Variants in STAM observed in about 807,000 individuals in gnomAD.
The protein encoded by STAM is signal transducing adaptor molecule.
A neutral mutation model predicts 63.4 loss-of-function variants in STAM; 16 were observed. The ratio of observed to expected loss-of-function variants is 0.25; its 90% confidence interval spans 0.17 to 0.38. STAM has a LOEUF of 0.38. Among genes scored for constraint, STAM ranks in the 10% least tolerant of loss-of-function variants. STAM has a pLI of 1.00. For synonymous variants in STAM, 238 were observed against 223.9 expected (o/e 1.06, Z -0.56); for missense variants, 636 against 657.1 (o/e 0.97, Z 0.35).
chr10:17,689,105 C>G (rs1253510491), intron 5 of STAM, among the ~76,000 whole-genome samples: 1 of 152,146 alleles, frequency 6.6e-6, no homozygotes, highest in African/African-American at 2.4e-5. Context: ...AAAATTCAGT[C>G]TCTAATTTAT....
intron 2 of STAM, among the ~76,000 whole-genome samples, chr10:17,678,300 G>C (rs1834936978): frequency 6.6e-6 from 1 of 151,126 alleles, no homozygotes; most frequent in South Asian, 2.1e-4. Context: ...TGTTGCCCAG[G>C]CTAGAATGCA....
At chr10:17,702,868 C>T (rs782042236) in intron 9 of STAM, among the ~76,000 whole-genome samples, 9 of 151,840 alleles carry the variant, frequency 5.9e-5, no homozygotes, top group Non-Finnish European at 1.0e-4. Context: ...ATTCGCTGGA[C>T]GTGGTGGTGT....
chr10:17,669,400 C>G (rs1834534360), intron 2 of STAM, among the ~76,000 whole-genome samples: 1 of 149,442 alleles, frequency 6.7e-6, no homozygotes, highest in Non-Finnish European at 1.5e-5. Flanking sequence ...ATTCTTTCCC[C>G]TTCCTACTCT....
chr10:17,682,651 G>A (rs1454179262), intron 2 of STAM, among the ~76,000 whole-genome samples: 1 of 152,078 alleles, frequency 6.6e-6, no homozygotes, highest in Non-Finnish European at 1.5e-5. Flanking sequence ...ATCAGTGTTT[G>A]TTTTATAGGA....
chr10:17,648,750 C>G (rs1184793758), intron 1 of STAM, among the ~76,000 whole-genome samples: 1 of 152,220 alleles, frequency 6.6e-6, no homozygotes, highest in Non-Finnish European at 1.5e-5. Flanking sequence ...AATCAGTTCT[C>G]ATTTACAAAG....
chr10:17,704,609 A>C (rs1162099712), intron 10 of STAM, 91 bp downstream of exon 10: 2 of 1,123,084 alleles, frequency 1.8e-6, no homozygotes, highest in African/African-American at 3.1e-5. Flanking sequence ...GGATAATATT[A>C]AAAATGGAAC....
intron 1 of STAM, among the ~76,000 whole-genome samples, chr10:17,651,511 C>G (rs555824892): frequency 6.6e-6 from 1 of 152,320 alleles, no homozygotes; most frequent in South Asian, 2.1e-4. Context: ...CTGATATCCA[C>G]TGGATTAAGA....
At chr10:17,712,830 G>C (rs372592177) in intron 13 of STAM, among the ~76,000 whole-genome samples, 6 of 152,168 alleles carry the variant, frequency 3.9e-5, no homozygotes, top group Non-Finnish European at 1.5e-5. Flanking sequence ...CAGTGCACAA[G>C]TGCAGGGACT....
chr10:17,650,018 A>G (rs1554821344), intron 1 of STAM, among the ~76,000 whole-genome samples: 1 of 152,216 alleles, frequency 6.6e-6, no homozygotes, highest in Admixed American at 6.5e-5. Flanking sequence ...CTTTGTTTCT[A>G]TAATAGAATA....
chr10:17,658,810 A>T (rs548009957), intron 1 of STAM, among the ~76,000 whole-genome samples: 57 of 151,982 alleles, frequency 3.8e-4, no homozygotes, highest in Non-Finnish European at 5.4e-4. Flanking sequence ...TTTAATCTCT[A>T]TGTGTTTTTA....
At chr10:17,672,800 T>G (rs1242259084) in intron 2 of STAM, among the ~76,000 whole-genome samples, 2 of 152,164 alleles carry the variant, frequency 1.3e-5, no homozygotes, top group Non-Finnish European at 2.9e-5. Flanking sequence ...AAACTGACCT[T>G]AAGAATGTTG....
chr10:17,714,294 G>A (rs139189758), intron 13 of STAM, among the ~76,000 whole-genome samples: 5 of 151,376 alleles, frequency 3.3e-5, no homozygotes, highest in East Asian at 1.9e-4. Context: ...TGGTGGTATA[G>A]ACTTATTTCC....
chr10:17,648,726 A>T (rs548376072), intron 1 of STAM, among the ~76,000 whole-genome samples: 5 of 152,024 alleles, frequency 3.3e-5, no homozygotes, highest in African/African-American at 1.2e-4. Context: ...CTTTGTTACC[A>T]CTCTTGCCTC....
rs371252102 is a variant in STAM, at chr10:17,666,551, T to C, written c.125+6003T>C. Among the ~76,000 whole-genome samples, 91 of 152,122 alleles carry C rather than the reference T, an allele frequency of 6.0e-4. No homozygotes were observed. The East Asian group carries it at 6.2e-3, about 10-fold the overall frequency. ...CTGGGACTACAGGCACCCGCCACCA[T>C]GCCCAGCTAATTTTTTTTTGTATTT... On this transcript the variant is annotated intron_variant, in intron 2 of 13. Coordinates refer to ENST00000377524, the MANE Select transcript of STAM (RefSeq NM_003473.4).
At chr10:17,700,875 ACTT>A (rs2131672969) in intron 9 of STAM, among the ~76,000 whole-genome samples, 1 of 152,338 alleles carries the variant, frequency 6.6e-6, no homozygotes, top group East Asian at 1.9e-4. Context: ...TCATTAAATT[ACTT>A]CTACATAAAT....
At chr10:17,694,830 T>A (rs540022420) in intron 6 of STAM, 1 of 418,488 alleles carries the variant, frequency 2.4e-6, no homozygotes, top group East Asian at 3.6e-5. Flanking sequence ...AATAGGAGTT[T>A]TCATGCTGTT....
chr10:17,660,539 C>T lies in STAM; in HGVS notation c.116C>T (p.Ser39Phe), dbSNP rs146245558. 9 of 1,598,742 alleles carry T rather than the reference C, an allele frequency of 5.6e-6. No homozygotes were observed. In the South Asian group the frequency reaches 9.0e-5, roughly 16 times the overall value. ...ILDICDKVGQ[S>F]RTGPKDCLRS... ...GATATCTGTGATAAAGTTGGTCAGT[C>T]TCGCACTGGGTAAGTATTTAGCGTT... The change falls in exon 2 of 14, where the codon TCT becomes TTT. Residue 39 changes from serine (S) to phenylalanine (F), a missense_variant. By Grantham distance (155) the Ser-to-Phe change is radical (BLOSUM62 -2). This residue lies in a region of STAM where 87 missense variants were observed against 80.3 expected (regional missense o/e 1.08). Coordinates refer to ENST00000377524, the MANE Select transcript of STAM (RefSeq NM_003473.4).
intron 13 of STAM, among the ~76,000 whole-genome samples, chr10:17,709,950 A>G (rs1390127197): frequency 1.6e-5 from 2 of 122,618 alleles, no homozygotes; most frequent in Non-Finnish European, 3.4e-5. Context: ...TGTTAAGTGT[A>G]GCTTGCACTC....
At chr10:17,654,954 T>G (rs1833882715) in intron 1 of STAM, among the ~76,000 whole-genome samples, 1 of 152,208 alleles carries the variant, frequency 6.6e-6, no homozygotes, top group Non-Finnish European at 1.5e-5. Flanking sequence ...CCTAGATTCT[T>G]CATTATACTT....
Sources: gnomAD v4.1 joint callset for allele counts (sites outside exome capture counted in the v4.1 genomes callset) on GRCh38, gnomAD v4.1.1 for gene constraint, gnomAD v4.1.1 regional missense constraint, MANE v1.5 for transcripts, NCBI Gene and HGNC (gene_info 2026-07-23, HGNC 2026-07-21) for gene names.